The following CFAP54 variants were observed in gnomAD, a reference collection of about 807,000 sequenced individuals.
CFAP54 encodes cilia and flagella associated protein 54, also known as cilia- and flagella-associated protein 54.
In CFAP54, 290 loss-of-function variants were observed where a neutral mutation model predicts 370.4. That is an observed-to-expected ratio of 0.78 (90% CI 0.71 to 0.86). The LOEUF (loss-of-function observed/expected upper bound fraction) is 0.86. Among genes scored for constraint, CFAP54 ranks in the 40% least tolerant of loss-of-function variants. The pLI, the probability that CFAP54 is intolerant of heterozygous loss-of-function variation, is 0.00. For synonymous variants in CFAP54, 1,206 were observed against 1,236.5 expected, an observed-to-expected ratio of 0.98 and a Z score of 0.52; for missense variants, 3,399 against 3,528.7, an observed-to-expected ratio of 0.96 and a Z score of 0.93.
At chr12:96,636,522 A>G (rs972313161) in intron 32 of CFAP54, among the ~76,000 whole-genome samples, 3 of 151,876 alleles carry the variant, frequency 2.0e-5, no homozygotes, top group Non-Finnish European at 1.5e-5. Context: ...TATTTTTGTC[A>G]TTTGTTTTGC....
intron 46 of CFAP54, among the ~76,000 whole-genome samples, chr12:96,701,134 G>A (rs556935211): frequency 3.5e-4 from 54 of 152,212 alleles, no homozygotes; most frequent in African/African-American, 1.2e-3. Flanking sequence ...ACATGTATGT[G>A]CATGAGTATG....
At chr12:96,711,744 A>G (rs1276667175) in intron 48 of CFAP54, among the ~76,000 whole-genome samples, 1 of 152,230 alleles carries the variant, frequency 6.6e-6, no homozygotes, top group African/African-American at 2.4e-5. Flanking sequence ...AATTTTTACT[A>G]ATTTAATGGT....
intron 26 of CFAP54, among the ~76,000 whole-genome samples, chr12:96,615,093 T>G (rs1218352663): frequency 2.0e-5 from 3 of 152,056 alleles, no homozygotes; most frequent in African/African-American, 4.8e-5. Context: ...GAGGCATCAC[T>G]CTACCTGACT....
At chr12:96,826,804 A>G (rs1443679872) in intron 65 of CFAP54, among the ~76,000 whole-genome samples, 1 of 113,508 alleles carries the variant, frequency 8.8e-6, no homozygotes, top group Admixed American at 1.2e-4. Flanking sequence ...ATATAATTAT[A>G]TATTATACAT....
chr12:96,506,135 C>G, intron 3 of CFAP54, among the ~76,000 whole-genome samples: 2 of 152,086 alleles, frequency 1.3e-5, no homozygotes, highest in Middle Eastern at 6.8e-3. Context: ...GTCAGGAGAT[C>G]GAGACCATCC....
intron 1 of CFAP54, among the ~76,000 whole-genome samples, chr12:96,499,954 A>AAACAG (rs1955006625): frequency 6.7e-6 from 1 of 149,322 alleles, no homozygotes; most frequent in Admixed American, 6.7e-5. Flanking sequence ...CTCAAAAACA[A>AAACAG]AACAAAACAA....
chr12:96,555,021 A>G, intron 17 of CFAP54: 1 of 358,528 alleles, frequency 2.8e-6, no homozygotes, highest in Non-Finnish European at 4.9e-6. Flanking sequence ...CTTCTTAAAA[A>G]GTTAATTATG....
intron 17 of CFAP54, among the ~76,000 whole-genome samples, chr12:96,556,870 T>C (rs1242219811): frequency 6.6e-6 from 1 of 151,736 alleles, no homozygotes; most frequent in Non-Finnish European, 1.5e-5. Flanking sequence ...CATGGACACA[T>C]AGAGGGGAAC....
chr12:96,598,421 T>C (rs958708115), intron 25 of CFAP54, among the ~76,000 whole-genome samples: 2 of 152,032 alleles, frequency 1.3e-5, no homozygotes, highest in African/African-American at 4.8e-5. Flanking sequence ...TTTTATTCTT[T>C]CCACTGATTT....
At chr12:96,516,055 A>G (rs781429097) in intron 5 of CFAP54, among the ~76,000 whole-genome samples, 3 of 151,466 alleles carry the variant, frequency 2.0e-5, no homozygotes, top group Non-Finnish European at 4.4e-5. Context: ...AGCTGGGACT[A>G]CAGGCACCCG....
Position 96,489,658 on chromosome 12 carries a change from A to G in CFAP54, c.49A>G (p.Thr17Ala). 1 of 1,534,290 alleles carries G rather than the reference A, an allele frequency of 6.5e-7. No homozygotes were observed. Among genetic ancestry groups the G allele is most frequent in the Middle Eastern group, 1.7e-4 (1 of 5,974 alleles). ...PSSSPSDDST[T>A]SGSLPELPPT... ...GAGCTCTCCGTCAGACGACTCTACC[A>G]CCTCGGGGTCTCTGCCAGAACTGCC... Residue 17 changes from threonine (T) to alanine (A), a missense_variant, in exon 1 of 68, where the codon ACC (threonine) becomes GCC (alanine). By Grantham distance (58) the Thr-to-Ala change is moderately conservative. This residue lies in a region of CFAP54 where 559 missense variants were observed against 576.7 expected (regional missense o/e 0.97). Transcript: ENST00000524981.
intron 39 of CFAP54, among the ~76,000 whole-genome samples, chr12:96,670,074 G>A (rs572530121): frequency 7.2e-5 from 11 of 152,290 alleles, no homozygotes; most frequent in Admixed American, 5.2e-4. Context: ...GCTCATCATG[G>A]TGGAATCTCC....
intron 40 of CFAP54, among the ~76,000 whole-genome samples, chr12:96,680,396 A>C (rs1012188873): frequency 8.5e-5 from 13 of 152,150 alleles, no homozygotes; most frequent in Admixed American, 6.5e-5. Context: ...ATCCTGAACT[A>C]TCTATACTTA....
At chr12:96,491,077 C>T (rs979770849) in intron 1 of CFAP54, among the ~76,000 whole-genome samples, 17 of 151,930 alleles carry the variant, frequency 1.1e-4, no homozygotes, top group African/African-American at 3.9e-4. Flanking sequence ...CTCAAGGGAT[C>T]CTCCCACCTT....
chr12:96,693,546 T>A (rs1012147157), intron 44 of CFAP54, among the ~76,000 whole-genome samples, 176 bp from the exon 45 acceptor site: 1 of 152,204 alleles, frequency 6.6e-6, no homozygotes, highest in African/African-American at 2.4e-5. Context: ...TCCGATAAAC[T>A]TATGAAGCAT....
intron 1 of CFAP54, among the ~76,000 whole-genome samples, chr12:96,494,487 G>T (rs931358397): frequency 2.6e-5 from 4 of 151,862 alleles, no homozygotes; most frequent in African/African-American, 9.7e-5. Flanking sequence ...CTTTAGTAGA[G>T]ACAGGGTTTC....
chr12:96,822,761 A>C (rs79182804), intron 65 of CFAP54, among the ~76,000 whole-genome samples: 5,785 of 152,272 alleles, frequency 0.038, 147 homozygotes, highest in South Asian at 0.083. Context: ...AATACACAGA[A>C]AAGTTTCTTG....
chr12:96,759,696 T>G (rs192809796), intron 58 of CFAP54, among the ~76,000 whole-genome samples: 2 of 152,198 alleles, frequency 1.3e-5, no homozygotes, highest in Non-Finnish European at 2.9e-5. Context: ...ATAGTACCTG[T>G]GTGGGTTTGA....
At chr12:96,560,328 T>G (rs1394772095) in intron 17 of CFAP54, among the ~76,000 whole-genome samples, 1 of 152,192 alleles carries the variant, frequency 6.6e-6, no homozygotes. Context: ...TCTACCTCCA[T>G]GAGGTAAACT....
Sources: gnomAD v4.1 joint callset for allele counts (sites outside exome capture counted in the v4.1 genomes callset) on GRCh38, gnomAD v4.1.1 for gene constraint, gnomAD v4.1.1 regional missense constraint, MANE v1.5 for transcripts, NCBI Gene and HGNC (gene_info 2026-07-23, HGNC 2026-07-21) for gene names.